Variants in XKRX observed in about 807,000 individuals in gnomAD.
The protein encoded by XKRX is XK related X-linked.
A neutral mutation model predicts 22.4 loss-of-function variants in XKRX; 11 were observed. The ratio of observed to expected loss-of-function variants is 0.49; its 90% confidence interval spans 0.31 to 0.81. XKRX has a LOEUF of 0.81. Ranked by LOEUF, XKRX falls within the 40% of genes least tolerant of loss-of-function variation. XKRX has a pLI of 0.05. For synonymous variants in XKRX, 114 were observed against 132.2 expected (o/e 0.86, Z 0.94); for missense variants, 320 against 336.5 (o/e 0.95, Z 0.38).
chrX:100,948,672 T>G, the XKRX span, among the ~76,000 whole-genome samples: 1 of 112,807 alleles, frequency 8.9e-6, no homozygotes, highest in African/African-American at 3.2e-5. Flanking sequence ...AAGGAAAATT[T>G]CCCCCTTCCC....
At chrX:100,899,623 A>G in the XKRX span, among the ~76,000 whole-genome samples, 1 of 112,668 alleles carries the variant, frequency 8.9e-6, no homozygotes, top group African/African-American at 3.2e-5. Context: ...AGAATCCACA[A>G]AAGCAATTCG....
intron 2 of XKRX, among the ~76,000 whole-genome samples, chrX:100,921,063 G>A (rs973631784): frequency 9.0e-6 from 1 of 111,645 alleles, no homozygotes; most frequent in African/African-American, 3.3e-5. Context: ...CACCATACCC[G>A]GCTAATTTTT....
the XKRX span, among the ~76,000 whole-genome samples, chrX:100,897,782 A>G: frequency 9.2e-6 from 1 of 108,739 alleles, no homozygotes; most frequent in East Asian, 2.9e-4. Context: ...CTTTGGAGAA[A>G]TTGCTATCCA....
At chrX:100,919,296 T>C (rs1425871010) in intron 2 of XKRX, among the ~76,000 whole-genome samples, 1 of 111,940 alleles carries the variant, frequency 8.9e-6, no homozygotes, top group Admixed American at 9.6e-5. Flanking sequence ...AGATGAGAGA[T>C]GTGATAGGCC....
At chrX:100,892,228 A>C in the XKRX span, among the ~76,000 whole-genome samples, 1 of 112,385 alleles carries the variant, frequency 8.9e-6, no homozygotes, top group African/African-American at 3.2e-5. Flanking sequence ...GAATGAATGA[A>C]TAAGACCTAG....
chrX:100,900,852 C>G, the XKRX span, among the ~76,000 whole-genome samples: 6 of 101,596 alleles, frequency 5.9e-5, no homozygotes, highest in Admixed American at 5.4e-4. Flanking sequence ...TGCAGTGTCA[C>G]GATCTCGGCT....
the XKRX span, among the ~76,000 whole-genome samples, chrX:100,945,103 G>T: frequency 1.8e-4 from 19 of 108,178 alleles, no homozygotes; most frequent in African/African-American, 5.7e-4. Flanking sequence ...TTTAAGACAA[G>T]TTCTTGCTCT....
chrX:100,888,003 C>A, the XKRX span: 1 of 1,080,384 alleles, frequency 9.3e-7, no homozygotes, highest in Non-Finnish European at 1.3e-6. Flanking sequence ...GTTTCCAGAA[C>A]CACTTTGACC....
At chrX:100,906,775 C>A in the XKRX span, among the ~76,000 whole-genome samples, 3 of 111,452 alleles carry the variant, frequency 2.7e-5, no homozygotes, top group Non-Finnish European at 3.8e-5. Context: ...GGGCCATGTT[C>A]CTTTTGGAGG....
At chrX:100,887,790 C>T in the XKRX span, 15 of 949,799 alleles carry the variant, frequency 1.6e-5, no homozygotes, top group East Asian at 4.6e-4. Context: ...AATTTGAAGA[C>T]TGACTGTTGT....
chrX:100,922,606 T>A (rs1237476359), intron 2 of XKRX, among the ~76,000 whole-genome samples, 187 bp downstream of exon 2: 1 of 112,662 alleles, frequency 8.9e-6, no homozygotes, highest in Non-Finnish European at 1.9e-5. Flanking sequence ...AATACAGTAG[T>A]TGCTAGCAAC....
At position 100,917,722 on chromosome X, in the gene XKRX, G is replaced by GAAAGAAAGAAAGAA. The variant is rs772047288; in HGVS notation, c.605-2640_605-2639insTTCTTTCTTTCTTT. 5.3e-5 allele frequency among the ~76,000 whole-genome samples: 4 copies of GAAAGAAAGAAAGAA among 74,991 alleles called. 1 individual carries two copies. The highest frequency in any genetic ancestry group is 1.5e-4 in the African/African-American group (4 of 26,288). The allele number at this position is 74,991 out of a possible 115,157, so 65.1% of individuals were successfully genotyped here. On this transcript the variant is annotated intron_variant, in intron 2 of 2. Transcript: ENST00000372956. ...AGAAAGAAAGAAAGAAAGAAAGAAA[G>GAAAGAAAGAAAGAA]AAATCCTTGGTTCAGCTGTATGGGA...
At position 100,914,943 on chromosome X, in the gene XKRX, A is replaced by G. The variant is rs1176298984; in HGVS notation, c.745T>C (p.Leu249=). The G allele has an allele frequency of 1.1e-5, 13 of 1,211,754 alleles. No individual in the cohort carries two copies. The highest frequency in any genetic ancestry group is 7.0e-5 in the South Asian group (4 of 56,955). ...EVLCITIWRT[L]EITSRLLILV... ...ATCAGGAGGCGGGAAGTGATCTCCA[A>G]TGTCCGCCAGATGGTGATGCAGAGG... The change falls in exon 3 of 3, where the codon TTG becomes CTG. Residue 249 remains leucine (L), a synonymous_variant. Coordinates refer to ENST00000372956, the MANE Select transcript of XKRX (RefSeq NM_212559.3).
At chrX:100,904,721 T>G in the XKRX span, among the ~76,000 whole-genome samples, 2 of 111,364 alleles carry the variant, frequency 1.8e-5, no homozygotes, top group African/African-American at 6.5e-5. Context: ...ACCTGGGGGT[T>G]GAGGCTGGCA....
chrX:100,917,930 G>A (rs2147939754), intron 2 of XKRX, among the ~76,000 whole-genome samples: 1 of 111,343 alleles, frequency 9.0e-6, no homozygotes, highest in African/African-American at 3.3e-5. Flanking sequence ...GACATCCATG[G>A]AACCATATGT....
the XKRX span, among the ~76,000 whole-genome samples, chrX:100,894,847 A>G: frequency 8.0e-5 from 9 of 112,371 alleles, no homozygotes; most frequent in East Asian, 2.5e-3. Context: ...AAAGGGGACC[A>G]TGGCAAAAAT....
intron 2 of XKRX, among the ~76,000 whole-genome samples, chrX:100,918,783 TCCTTCTTC>T (rs1202049789): frequency 9.0e-6 from 1 of 111,510 alleles, no homozygotes; most frequent in African/African-American, 3.3e-5. Context: ...TTCTTCTTCT[TCCTTCTTC>T]CCTTCTTCCT....
At chrX:100,955,616 G>A in the XKRX span, among the ~76,000 whole-genome samples, 1 of 111,265 alleles carries the variant, frequency 9.0e-6, no homozygotes, top group Admixed American at 9.6e-5. Flanking sequence ...GGGGTTGCAG[G>A]GAGCTGAGAT....
chrX:100,922,978 T>A lies in XKRX; in HGVS notation c.419A>T (p.Lys140Met). ...CACCTCCTCGCCATCTATTAGCATC[T>A]TCTTTCGGGTGAGGCTGACATAGGG... ...EEPYVSLTRK[K>M]MLIDGEEVLI... Residue 140 changes from lysine (K) to methionine (M), a missense_variant, in exon 2 of 3, where the codon AAG (lysine) becomes ATG (methionine). By Grantham distance (95) the Lys-to-Met change is moderately conservative. Transcript: ENST00000372956. The A allele has an allele frequency of 5.8e-6, 7 of 1,211,776 alleles. No homozygotes were observed. Among genetic ancestry groups the A allele is most frequent in the Non-Finnish European group, 7.8e-6 (7 of 895,523 alleles).
Sources: gnomAD v4.1 joint callset for allele counts (sites outside exome capture counted in the v4.1 genomes callset) on GRCh38, gnomAD v4.1.1 for gene constraint, MANE v1.5 for transcripts, NCBI Gene and HGNC (gene_info 2026-07-23, HGNC 2026-07-21) for gene names.